Variants in ANKRD30A observed in about 807,000 individuals in gnomAD.
The protein encoded by ANKRD30A is ankyrin repeat domain-containing protein 30A.
A neutral mutation model predicts 166.3 loss-of-function variants in ANKRD30A; 170 were observed. The ratio of observed to expected loss-of-function variants is 1.02; its 90% CI spans 0.90 to 1.16. The LOEUF (loss-of-function observed/expected upper bound fraction) is 1.16. Ranked by LOEUF, ANKRD30A falls within the 50% of genes most tolerant of loss-of-function variation. The probability of loss-of-function intolerance (pLI) is 0.00; values close to 1 mark genes in which losing one functional copy is unlikely to be tolerated. For missense variants in ANKRD30A, 1,630 were observed against 1,518.0 expected (o/e 1.07, Z -1.23); for synonymous variants, 564 against 508.9 (o/e 1.11, Z -1.46).
At chr10:37,248,045 T>TC in the ANKRD30A span, 1 of 371,468 alleles carries the variant, frequency 2.7e-6, no homozygotes, top group Non-Finnish European at 5.3e-6. Flanking sequence ...AAAAAAATCA[T>TC]GTGGTAGAAG....
At position 37,210,756 on chromosome 10, in the gene ANKRD30A, A is replaced by G. The variant is rs537585590; in HGVS notation, c.2870-5425A>G. 9.2e-5 allele frequency among the ~76,000 whole-genome samples: 14 copies of G among 152,262 alleles called. No homozygotes were observed. The East Asian group carries it at 1.9e-3, about 21-fold the overall frequency. On this transcript the variant is annotated intron_variant, in intron 31 of 35. Coordinates refer to ENST00000361713, the MANE Select transcript of ANKRD30A (RefSeq NM_052997.3). The stretch of plus-strand genomic sequence containing the variant: ...TTTTTCATATGTTTGTTGGCTGCAT[A>G]AATGTGATCTTTGAAGAAGTATCTG...
Position 37,165,045 on chromosome 10 carries a change from T to G in ANKRD30A, c.2003-49T>G, listed in dbSNP as rs373315974. 3.2e-6 allele frequency: 5 copies of G among 1,556,094 alleles called. No homozygotes were observed. The East Asian group carries it at 1.1e-4, about 35-fold the overall frequency. ...AGATTTGTATATGTTTTTAAAATTT[T>G]TAGTAGAGAACTGTGCTCATGAATG... On this transcript the variant is annotated intron_variant, in intron 17 of 35. Coordinates refer to ENST00000361713, the MANE Select transcript of ANKRD30A (RefSeq NM_052997.3).
At chr10:37,132,891 T>C (rs1356746316) in intron 4 of ANKRD30A, among the ~76,000 whole-genome samples, 1 of 152,004 alleles carries the variant, frequency 6.6e-6, no homozygotes, top group Non-Finnish European at 1.5e-5. Flanking sequence ...CCAGCTACTC[T>C]GTGGGGGGCT....
At chr10:37,126,125 C>G in intron 1 of ANKRD30A, 117 bp downstream of exon 1, 1 of 1,104,828 alleles carries the variant, frequency 9.1e-7, no homozygotes, top group East Asian at 2.5e-5. Flanking sequence ...GGAGGAGTAA[C>G]GGGCAGCGGG....
intron 34 of ANKRD30A, among the ~76,000 whole-genome samples, chr10:37,221,467 A>G (rs1377341287): frequency 1.3e-5 from 2 of 151,214 alleles, no homozygotes; most frequent in Non-Finnish European, 3.0e-5. Context: ...TTTCAAATCA[A>G]AAGTCAAGTA....
At chr10:37,149,115 A>G (rs1837720046) in intron 9 of ANKRD30A, among the ~76,000 whole-genome samples, 1 of 152,020 alleles carries the variant, frequency 6.6e-6, no homozygotes, top group South Asian at 2.1e-4. Context: ...GGATACAGAA[A>G]TGTAGGCATA....
intron 27 of ANKRD30A, among the ~76,000 whole-genome samples, chr10:37,196,544 T>C (rs1321071110): frequency 6.6e-6 from 1 of 152,210 alleles, no homozygotes; most frequent in Non-Finnish European, 1.5e-5. Flanking sequence ...AAAAATAAGA[T>C]TGCTTTTTAA....
At chr10:37,212,085 T>C (rs1418697161) in intron 31 of ANKRD30A, among the ~76,000 whole-genome samples, 1 of 151,790 alleles carries the variant, frequency 6.6e-6, no homozygotes, top group Non-Finnish European at 1.5e-5. Context: ...AATTGTCCCT[T>C]TTTACAGACG....
intron 19 of ANKRD30A, among the ~76,000 whole-genome samples, chr10:37,167,137 G>A (rs879915946): frequency 1.3e-5 from 2 of 151,750 alleles, no homozygotes; most frequent in Non-Finnish European, 2.9e-5. Flanking sequence ...GAAGGAAAAT[G>A]GAGTGAGCTC....
In ANKRD30A at chr10:37,165,203, A is replaced by G. The variant is rs749484257; in HGVS notation, c.2064+48A>G. On this transcript the variant is annotated intron_variant, in intron 18 of 35. Coordinates refer to ENST00000361713, the MANE Select transcript of ANKRD30A (RefSeq NM_052997.3). Reference sequence around the variant, plus strand: ...TTAAATATTAGTATTGCATGATATGAAAACATAAAATCAGATGCTTAGTCT... The same window carrying G: ...TTAAATATTAGTATTGCATGATATGGAAACATAAAATCAGATGCTTAGTCT... 6.6e-6 allele frequency: 10 copies of G among 1,510,072 alleles called. No individual in the cohort carries two copies. In the South Asian group the frequency reaches 7.9e-5, roughly 12 times the overall value. The allele number at this position is 1,510,072 out of a possible 1,614,324, so 93.5% of individuals were successfully genotyped here.
In ANKRD30A at chr10:37,219,510, T is replaced by A. The variant is rs1322768221; in HGVS notation, c.3798T>A (p.Asn1266Lys). 3.7e-6 allele frequency: 6 copies of A among 1,610,304 alleles called. No individual in the cohort carries two copies. The highest frequency in any genetic ancestry group is 3.3e-5 in the South Asian group (3 of 90,966). Residue 1266 changes from asparagine to lysine, a missense_variant, in exon 34 of 36, where the codon AAT becomes AAA. Around this residue, in one of 4 missense-constraint regions of ANKRD30A, gnomAD observed 712 missense variants for 629.3 expected, o/e 1.13. Transcript: ENST00000361713. ...GGAAATCCAAAAGCCTAAAAATTAATCTCAATTATGCAGGAGATGCTCTAA... is the reference window on the plus strand; with the variant it reads ...GGAAATCCAAAAGCCTAAAAATTAAACTCAATTATGCAGGAGATGCTCTAA... ...AQRKSKSLKINLNYAGDALRE... is the reference protein window; with the variant it reads ...AQRKSKSLKIKLNYAGDALRE...
At position 37,189,524 on chromosome 10, in the gene ANKRD30A, A is replaced by G. The variant is rs1404480303; in HGVS notation, c.2479A>G (p.Lys827Glu). 6.5e-7 allele frequency: 1 copy of G among 1,528,102 alleles called. No individual in the cohort carries two copies. The highest frequency in any genetic ancestry group is 8.9e-7 in the Non-Finnish European group (1 of 1,120,266). 94.7% of individuals were successfully genotyped at this position (1,528,102 alleles called of 1,614,324 possible). ...GTGTTTACCCAAGGCTACGCATCAAAAAGAAATAGATAAAATAAATGGAAA... is the reference window on the plus strand; with the variant it reads ...GTGTTTACCCAAGGCTACGCATCAAGAAGAAATAGATAAAATAAATGGAAA... ...DVCLPKATHQKEIDKINGKLE... is the reference protein window; with the variant it reads ...DVCLPKATHQEEIDKINGKLE... Residue 827 changes from lysine to glutamate, a missense_variant, in exon 25 of 36, where the codon AAA (lysine) becomes GAA (glutamate). Physicochemically the swap from Lys to Glu is moderately conservative, Grantham distance 56. Coordinates refer to ENST00000361713, the MANE Select transcript of ANKRD30A (RefSeq NM_052997.3).
intron 31 of ANKRD30A, among the ~76,000 whole-genome samples, chr10:37,215,074 A>G (rs1842534281): frequency 1.3e-5 from 2 of 151,590 alleles, no homozygotes; most frequent in African/African-American, 2.4e-5. Context: ...TTTAGTTTTT[A>G]AAAGTATATT....
At chr10:37,192,523 A>C (rs750496515) in intron 25 of ANKRD30A, among the ~76,000 whole-genome samples, 9 of 152,066 alleles carry the variant, frequency 5.9e-5, no homozygotes, top group African/African-American at 7.3e-5. Context: ...AATTTAGAAC[A>C]TTCTCTGCAA....
the ANKRD30A span, among the ~76,000 whole-genome samples, chr10:37,256,915 T>G: frequency 6.6e-6 from 1 of 152,178 alleles, no homozygotes; most frequent in Non-Finnish European, 1.5e-5. Context: ...ATAAAATGAG[T>G]TGGGGAGGAG....
At chr10:37,247,480 A>G in the ANKRD30A span, among the ~76,000 whole-genome samples, 1 of 151,938 alleles carries the variant, frequency 6.6e-6, no homozygotes, top group Non-Finnish European at 1.5e-5. Context: ...ATGGAATCTC[A>G]TGGTTTGTAC....
chr10:37,247,685 C>T, the ANKRD30A span, among the ~76,000 whole-genome samples: 7 of 146,636 alleles, frequency 4.8e-5, no homozygotes, highest in South Asian at 4.4e-4. Flanking sequence ...TCCTGGCTAA[C>T]GTGGTGAAAC....
chr10:37,143,324 G>A (rs1837285486), intron 7 of ANKRD30A, among the ~76,000 whole-genome samples: 1 of 152,118 alleles, frequency 6.6e-6, no homozygotes, highest in South Asian at 2.1e-4. Flanking sequence ...GTATAAGGCA[G>A]AGATTGGCAA....
At chr10:37,192,302 C>T (rs1288579132) in intron 25 of ANKRD30A, among the ~76,000 whole-genome samples, 2 of 151,946 alleles carry the variant, frequency 1.3e-5, no homozygotes, top group African/African-American at 4.8e-5. Context: ...CCTCGGCCTT[C>T]CAAATTGCTG....
Sources: gnomAD v4.1 joint callset for allele counts (sites outside exome capture counted in the v4.1 genomes callset) on GRCh38, gnomAD v4.1.1 for gene constraint, gnomAD v4.1.1 regional missense constraint, MANE v1.5 for transcripts, NCBI Gene and HGNC (gene_info 2026-07-23, HGNC 2026-07-21) for gene names.